The following ARID4B variants were observed in gnomAD, a reference collection of about 807,000 sequenced individuals.
ARID4B encodes AT-rich interaction domain 4B, also known as AT-rich interactive domain-containing protein 4B.
ARID4B carries 26 observed loss-of-function variants against 147.5 expected under a neutral mutation model. The observed-to-expected ratio is 0.18, with a 90% CI of 0.13 to 0.24. The LOEUF (loss-of-function observed/expected upper bound fraction) is 0.24. ARID4B is among the 10% of genes least tolerant of loss of function. ARID4B has a pLI of 1.00. For missense variants in ARID4B, 1,179 were observed against 1,511.5 expected (o/e 0.78, Z 3.65); for synonymous variants, 512 against 507.9 (o/e 1.01, Z -0.11).
intron 13 of ARID4B, among the ~76,000 whole-genome samples, chr1:235,222,161 C>T (rs1667517452): frequency 6.6e-6 from 1 of 151,978 alleles, no homozygotes; most frequent in Non-Finnish European, 1.5e-5. Flanking sequence ...ATCCCCTGGC[C>T]TTAGCCTCCC....
At chr1:235,169,222 CT>C (rs1427247470) in intron 23 of ARID4B, among the ~76,000 whole-genome samples, 1 of 151,612 alleles carries the variant, frequency 6.6e-6, no homozygotes, top group Non-Finnish European at 1.5e-5. Context: ...TCACTGTTTC[CT>C]TTTTTCGTTT....
At chr1:235,323,347 A>C (rs1170663567) in intron 2 of ARID4B, among the ~76,000 whole-genome samples, 4 of 152,026 alleles carry the variant, frequency 2.6e-5, no homozygotes, top group Non-Finnish European at 5.9e-5. Flanking sequence ...GCCAAAGTAT[A>C]ATCATCTAAA....
At chr1:235,220,641 C>G in intron 14 of ARID4B, 96 bp from the exon 15 acceptor site, 1 of 965,302 alleles carries the variant, frequency 1.0e-6, no homozygotes, top group Non-Finnish European at 1.4e-6. Context: ...TGTCTAAACT[C>G]TCAGATATTG....
intron 2 of ARID4B, among the ~76,000 whole-genome samples, chr1:235,325,442 CCAAA>C (rs1366259876): frequency 2.0e-5 from 3 of 151,904 alleles, no homozygotes; most frequent in African/African-American, 7.3e-5. Flanking sequence ...TTTCTTTTAA[CCAAA>C]CATTTATAGA....
rs967873465 is a variant in ARID4B at position 235,240,586 on chromosome 1, A to G, written c.447-135T>C. 1.0e-5 allele frequency: 8 copies of G among 789,346 alleles called. No homozygotes were observed. In the African/African-American group the frequency reaches 1.2e-4, roughly 12 times the overall value. 48.9% of individuals were successfully genotyped at this position (789,346 alleles called of 1,614,324 possible). On this transcript the variant is annotated intron_variant, in intron 7 of 23. Transcript: ENST00000264183. ...AAATGGCTAATTTAAATCTTAAATC[A>G]TTTTCTAAATTTCTAAAAAATAACA...
intron 20 of ARID4B, among the ~76,000 whole-genome samples, chr1:235,178,297 T>A (rs993250228): frequency 1.3e-5 from 2 of 152,162 alleles, no homozygotes; most frequent in African/African-American, 4.8e-5. Flanking sequence ...TAATCACAGG[T>A]TAAAATGTTA....
chr1:235,207,475 A>C (rs1666382276), intron 17 of ARID4B, among the ~76,000 whole-genome samples: 1 of 152,200 alleles, frequency 6.6e-6, no homozygotes, highest in East Asian at 1.9e-4. Flanking sequence ...AAAAGGAGAG[A>C]AAAAGAACAG....
intron 17 of ARID4B, among the ~76,000 whole-genome samples, chr1:235,206,967 G>A (rs1047217334): frequency 6.6e-6 from 1 of 152,168 alleles, no homozygotes; most frequent in Non-Finnish European, 1.5e-5. Context: ...TAAGTAGTGG[G>A]AATGACTCAG....
rs1668267705 is a variant in ARID4B, at chr1:235,231,968, G to T, written c.666-779C>A. 2.0e-5 allele frequency among the ~76,000 whole-genome samples: 3 copies of T among 152,090 alleles called. No individual in the cohort carries two copies. In the South Asian group the frequency reaches 6.2e-4, roughly 32 times the overall value. On this transcript the variant is annotated intron_variant, in intron 9 of 23. Coordinates refer to ENST00000264183, the MANE Select transcript of ARID4B (RefSeq NM_016374.6). ...CAGACAAACTAAAAAAGTAAGCAAA[G>T]AATTAGCCAGGAGTGGTGGCATGTG...
rs552448695 is a variant in ARID4B at position 235,320,889 on chromosome 1, C to T, written c.6+6025G>A. Among the ~76,000 whole-genome samples, 32 of 152,318 alleles carry T rather than the reference C, an allele frequency of 2.1e-4. No individual in the cohort carries two copies. In the South Asian group the frequency reaches 5.8e-3, roughly 28 times the overall value. ...ACTTAAATGTCATCTCGAAAAGGCC[C>T]TCCATTATCACCTAATCTAAAGTAA... On this transcript the variant is annotated intron_variant, in intron 2 of 23. Coordinates refer to ENST00000264183, the MANE Select transcript of ARID4B (RefSeq NM_016374.6).
chr1:235,287,801 A>G (rs1277763564), intron 2 of ARID4B, among the ~76,000 whole-genome samples: 1 of 152,244 alleles, frequency 6.6e-6, no homozygotes, highest in African/African-American at 2.4e-5. Flanking sequence ...ATAAAAATAC[A>G]GAAGTATACA....
At chr1:235,261,200 T>C (rs1405401549) in intron 2 of ARID4B, among the ~76,000 whole-genome samples, 1 of 152,194 alleles carries the variant, frequency 6.6e-6, no homozygotes, top group East Asian at 1.9e-4. Flanking sequence ...AGCTCTGTTA[T>C]ATCTCTATCT....
rs200951109 is a variant in ARID4B, at chr1:235,229,271, T to A, written c.857A>T (p.Asp286Val). 2 of 1,612,848 alleles carry A rather than the reference T, an allele frequency of 1.2e-6. No individual in the cohort carries two copies. The highest frequency in any genetic ancestry group is 1.7e-6 in the Non-Finnish European group (2 of 1,179,168). The stretch of plus-strand genomic sequence containing the variant: ...ATTATCCTCCTTTTCTTTTTCATCA[T>A]CTTCCTCCTCCTCTTCTTCCTCTGC... ...SEAEEEEEEEDDEKEKEDNSS... is the reference protein window; with the variant it reads ...SEAEEEEEEEVDEKEKEDNSS... The change falls in exon 11 of 24, where the codon GAT (aspartate) becomes GTT (valine). Residue 286 changes from aspartate to valine, a missense_variant. Coordinates refer to ENST00000264183, the MANE Select transcript of ARID4B (RefSeq NM_016374.6).
chr1:235,187,337 G>T (rs1664767118), intron 19 of ARID4B, among the ~76,000 whole-genome samples: 1 of 152,084 alleles, frequency 6.6e-6, no homozygotes. Context: ...GCCTACCTTG[G>T]CCTCCCAAAA....
chr1:235,208,585 C>T (rs1466445586), intron 17 of ARID4B, among the ~76,000 whole-genome samples: 1 of 152,096 alleles, frequency 6.6e-6, no homozygotes, highest in African/African-American at 2.4e-5. Flanking sequence ...TCACCGCAAC[C>T]TCCGTCTCCC....
chr1:235,314,760 T>A (rs1054363230), intron 2 of ARID4B, among the ~76,000 whole-genome samples: 1 of 152,080 alleles, frequency 6.6e-6, no homozygotes, highest in Admixed American at 6.6e-5. Context: ...ATATAACATT[T>A]TACTATCAGT....
intron 17 of ARID4B, among the ~76,000 whole-genome samples, chr1:235,207,849 C>T (rs191074963): frequency 1.1e-4 from 16 of 151,958 alleles, no homozygotes; most frequent in Admixed American, 1.0e-3. Context: ...ATTTGTTTGG[C>T]GAAAATATTT....
intron 2 of ARID4B, among the ~76,000 whole-genome samples, chr1:235,264,627 A>AT (rs1366220141): frequency 6.6e-6 from 1 of 152,214 alleles, no homozygotes; most frequent in Non-Finnish European, 1.5e-5. Flanking sequence ...AAAGCACTCC[A>AT]TTGTGATGTC....
intron 17 of ARID4B, among the ~76,000 whole-genome samples, chr1:235,199,830 T>C (rs1436123477): frequency 6.6e-6 from 1 of 152,172 alleles, no homozygotes. Flanking sequence ...AATAGCACTT[T>C]AGTTGTCTGA....
Sources: allele counts gnomAD v4.1 joint callset (sites outside exome capture counted in the v4.1 genomes callset), GRCh38; gene constraint gnomAD v4.1.1; transcripts MANE v1.5; gene names NCBI Gene and HGNC (gene_info 2026-07-23, HGNC 2026-07-21).